The following PLPP4 variants were observed in gnomAD, a reference collection of about 807,000 sequenced individuals.
PLPP4 encodes phospholipid phosphatase 4.
In PLPP4, 20 loss-of-function variants were observed where a neutral mutation model predicts 32.2. The ratio of observed to expected loss-of-function variants is 0.62; its 90% confidence interval spans 0.44 to 0.90. The LOEUF is 0.90. Ranked by LOEUF, PLPP4 falls within the 40% of genes least tolerant of loss-of-function variation. The pLI, the probability that PLPP4 is intolerant of heterozygous loss-of-function variation, is 0.00. For missense variants in PLPP4, 257 were observed against 353.1 expected, an observed-to-expected ratio of 0.73 and a Z score of 2.18; for synonymous variants, 127 against 133.0, an observed-to-expected ratio of 0.95 and a Z score of 0.31.
intron 3 of PLPP4, among the ~76,000 whole-genome samples, chr10:120,514,511 G>A (rs1457218721): frequency 6.6e-6 from 1 of 152,140 alleles, no homozygotes; most frequent in Non-Finnish European, 1.5e-5. Flanking sequence ...AAGATATTTT[G>A]GTAGTTAAGT....
intron 5 of PLPP4, among the ~76,000 whole-genome samples, chr10:120,524,223 C>T (rs976148538): frequency 6.6e-6 from 1 of 152,096 alleles, no homozygotes; most frequent in Non-Finnish European, 1.5e-5. Flanking sequence ...AAGGGAGTGC[C>T]ATAACCACTT....
intron 6 of PLPP4, chr10:120,581,478 G>A: frequency 5.8e-6 from 1 of 172,490 alleles, no homozygotes; most frequent in Non-Finnish European, 1.2e-5. Context: ...ATCCTCCAGT[G>A]ATTCTCATTT....
chr10:120,476,315 G>A (rs1199745848), intron 1 of PLPP4, among the ~76,000 whole-genome samples: 6 of 151,994 alleles, frequency 3.9e-5, no homozygotes, highest in African/African-American at 1.4e-4. Flanking sequence ...TTTTGTTGTT[G>A]TTGTTGAGTG....
intron 6 of PLPP4, among the ~76,000 whole-genome samples, chr10:120,575,830 A>G (rs1849198076): frequency 6.6e-6 from 1 of 152,170 alleles, no homozygotes; most frequent in Non-Finnish European, 1.5e-5. Context: ...GGTATTTGTT[A>G]AAAATCAAAA....
At chr10:120,543,849 A>G (rs1321741225) in intron 5 of PLPP4, among the ~76,000 whole-genome samples, 2 of 152,320 alleles carry the variant, frequency 1.3e-5, no homozygotes, top group South Asian at 4.1e-4. Context: ...CCTCATATAA[A>G]TGGAATCATA....
chr10:120,568,860 T>G (rs765914813), intron 5 of PLPP4, among the ~76,000 whole-genome samples: 20 of 152,068 alleles, frequency 1.3e-4, no homozygotes, highest in Non-Finnish European at 2.4e-4. Flanking sequence ...GTGCAAGGAG[T>G]AACATTTATG....
chr10:120,532,393 T>A (rs1299012478), intron 5 of PLPP4, among the ~76,000 whole-genome samples: 1 of 152,192 alleles, frequency 6.6e-6, no homozygotes, highest in African/African-American at 2.4e-5. Context: ...CTATATTGAT[T>A]AGTATAGCAT....
chr10:120,538,054 G>C (rs866329069), intron 5 of PLPP4, among the ~76,000 whole-genome samples: 33 of 101,470 alleles, frequency 3.3e-4, no homozygotes, highest in African/African-American at 1.1e-3. Flanking sequence ...CTCTCTCTCT[G>C]TGTGTGTGTG....
intron 5 of PLPP4, among the ~76,000 whole-genome samples, chr10:120,538,660 C>T (rs115342305): frequency 0.02 from 3,119 of 152,252 alleles, 45 homozygotes; most frequent in African/African-American, 0.032. Flanking sequence ...TCTCTTCAAC[C>T]TCATGTCCTT....
intron 6 of PLPP4, among the ~76,000 whole-genome samples, chr10:120,586,970 A>G (rs1300444842): frequency 2.0e-5 from 3 of 152,212 alleles, no homozygotes; most frequent in Non-Finnish European, 4.4e-5. Flanking sequence ...GAGCTCTGAA[A>G]TATGAATAGA....
chr10:120,571,336 T>C (rs1848933348), intron 5 of PLPP4, among the ~76,000 whole-genome samples: 1 of 152,006 alleles, frequency 6.6e-6, no homozygotes, highest in Non-Finnish European at 1.5e-5. Context: ...TTGAATGCTC[T>C]TGTCTCAGTT....
chr10:120,476,217 T>C (rs1312264819), intron 1 of PLPP4, among the ~76,000 whole-genome samples: 1 of 152,230 alleles, frequency 6.6e-6, no homozygotes, highest in Non-Finnish European at 1.5e-5. Context: ...CTGTGCCCCC[T>C]GTGCAGGCCT....
intron 5 of PLPP4, among the ~76,000 whole-genome samples, chr10:120,545,625 T>C (rs1847578116): frequency 6.6e-6 from 1 of 152,108 alleles, no homozygotes; most frequent in African/African-American, 2.4e-5. Flanking sequence ...TCAGCAGAAG[T>C]GGGGTCCTGA....
intron 6 of PLPP4, chr10:120,581,001 C>G: frequency 7.8e-7 from 1 of 1,288,450 alleles, no homozygotes; most frequent in Non-Finnish European, 1.0e-6. Flanking sequence ...TCTAAGTCCA[C>G]CCGCCTCTGT....
rs183613880 is a variant in PLPP4, at chr10:120,573,355, G to A, written c.446-1776G>A. On this transcript the variant is annotated intron_variant, in intron 5 of 6. Coordinates refer to ENST00000398250, the MANE Select transcript of PLPP4 (RefSeq NM_001030059.3). Reference sequence around the variant, plus strand: ...TGGTTGCTGAAAAAAGTTCTACTTTGGTATAATCTTGTGTTTGTAACCGAG... The same window carrying A: ...TGGTTGCTGAAAAAAGTTCTACTTTAGTATAATCTTGTGTTTGTAACCGAG... 1.9e-3 allele frequency among the ~76,000 whole-genome samples: 293 copies of A among 151,902 alleles called. 1 individual carries two copies. The highest frequency in any genetic ancestry group is 3.6e-3 in the Non-Finnish European group (245 of 67,928).
At chr10:120,526,301 G>T (rs1564816225) in intron 5 of PLPP4, among the ~76,000 whole-genome samples, 1 of 151,952 alleles carries the variant, frequency 6.6e-6, no homozygotes, top group Non-Finnish European at 1.5e-5. Flanking sequence ...CTTTATTTGT[G>T]TGTTTTTGTA....
intron 5 of PLPP4, among the ~76,000 whole-genome samples, chr10:120,545,766 T>C (rs1374171806): frequency 1.4e-4 from 22 of 152,174 alleles, no homozygotes; most frequent in Non-Finnish European, 2.9e-5. Flanking sequence ...CTTGATTGGG[T>C]TGAAGGATGC....
At chr10:120,544,840 A>G (rs1407320721) in intron 5 of PLPP4, among the ~76,000 whole-genome samples, 1 of 152,216 alleles carries the variant, frequency 6.6e-6, no homozygotes, top group East Asian at 1.9e-4. Flanking sequence ...TGTGTAGCCC[A>G]TCTGAGCAGA....
chr10:120,474,032 G>C (rs1843782546), intron 1 of PLPP4, among the ~76,000 whole-genome samples: 1 of 151,994 alleles, frequency 6.6e-6, no homozygotes, highest in South Asian at 2.1e-4. Context: ...TTTCTATCTG[G>C]TTTATCTTTT....
Sources: gnomAD v4.1 joint callset for allele counts (sites outside exome capture counted in the v4.1 genomes callset) on GRCh38, gnomAD v4.1.1 for gene constraint, MANE v1.5 for transcripts, NCBI Gene and HGNC (gene_info 2026-07-23, HGNC 2026-07-21) for gene names.